Variants in CHN1 observed in about 807,000 individuals in gnomAD.
CHN1 encodes the protein N-chimaerin.
A neutral mutation model predicts 59.5 loss-of-function variants in CHN1; 37 were observed. The ratio of observed to expected loss-of-function variants is 0.62; its 90% CI spans 0.48 to 0.82. CHN1 has a LOEUF of 0.82. Ranked by LOEUF, CHN1 falls within the 40% of genes least tolerant of loss-of-function variation. The pLI is 0.00. For synonymous variants in CHN1, 206 were observed against 200.4 expected, an observed-to-expected ratio of 1.03 and a Z score of -0.24; for missense variants, 469 against 571.0, an observed-to-expected ratio of 0.82 and a Z score of 1.82.
chr2:174,939,456 G>T (rs1689593527), intron 3 of CHN1, among the ~76,000 whole-genome samples: 1 of 151,974 alleles, frequency 6.6e-6, no homozygotes, highest in African/African-American at 2.4e-5. Context: ...CAATCTACTG[G>T]CATTTTGCTG....
intron 1 of CHN1, among the ~76,000 whole-genome samples, chr2:174,989,174 G>A (rs535323814): frequency 1.2e-3 from 180 of 151,658 alleles, no homozygotes; most frequent in African/African-American, 4.2e-3. Context: ...TCAGGAGTTC[G>A]AGACCAGCCT....
At chr2:174,918,425 C>T in intron 4 of CHN1, 109 bp downstream of exon 4, 2 of 752,476 alleles carry the variant, frequency 2.7e-6, no homozygotes, top group Non-Finnish European at 2.0e-6. Context: ...ATAAATGCAA[C>T]TCCACCAAAC....
intron 5 of CHN1, 86 bp from the exon 6 acceptor site, chr2:174,878,214 T>C: frequency 1.6e-6 from 2 of 1,219,920 alleles, no homozygotes; most frequent in Non-Finnish European, 2.2e-6. Flanking sequence ...AAAAAAAAAC[T>C]ATCGCTTTGT....
At chr2:174,980,654 C>G (rs952307057) in intron 1 of CHN1, among the ~76,000 whole-genome samples, 15 of 152,172 alleles carry the variant, frequency 9.9e-5, no homozygotes, top group African/African-American at 3.4e-4. Flanking sequence ...TGAAGATGCT[C>G]TGTTTTTCCT....
At chr2:174,820,497 T>C (rs1311710442) in intron 8 of CHN1, among the ~76,000 whole-genome samples, 1 of 152,216 alleles carries the variant, frequency 6.6e-6, no homozygotes, top group African/African-American at 2.4e-5. Flanking sequence ...AGGAGCACCA[T>C]TCCCAATCTG....
At chr2:174,900,982 A>C (rs995262993) in intron 5 of CHN1, among the ~76,000 whole-genome samples, 1 of 152,220 alleles carries the variant, frequency 6.6e-6, no homozygotes, top group African/African-American at 2.4e-5. Context: ...TTGCATGGTA[A>C]ATATAATAAA....
At chr2:174,811,489 T>G in intron 10 of CHN1, 22 bp downstream of exon 10, 1 of 1,560,034 alleles carries the variant, frequency 6.4e-7, no homozygotes. Context: ...TCCTAAGTTA[T>G]GGAACATTGT....
At chr2:174,907,792 G>A (rs577009550) in intron 5 of CHN1, among the ~76,000 whole-genome samples, 1 of 151,856 alleles carries the variant, frequency 6.6e-6, no homozygotes, top group African/African-American at 2.4e-5. Flanking sequence ...CCATAGGTAC[G>A]AAATTTTATA....
intron 3 of CHN1, among the ~76,000 whole-genome samples, chr2:174,927,179 T>TC (rs1203056708): frequency 6.6e-6 from 1 of 152,166 alleles, no homozygotes; most frequent in Non-Finnish European, 1.5e-5. Flanking sequence ...CGAGCACGCA[T>TC]CCTTAACTCT....
intron 1 of CHN1, among the ~76,000 whole-genome samples, chr2:174,955,856 G>A (rs192884219): frequency 2.6e-4 from 40 of 152,204 alleles, no homozygotes; most frequent in Non-Finnish European, 5.6e-4. Context: ...AGCACACAAG[G>A]ATATAAATAT....
At position 175,005,175 on chromosome 2, in the gene CHN1, A is replaced by T; in HGVS notation, c.-263T>A. 7.9e-7 allele frequency: 1 copy of T among 1,263,992 alleles called. No homozygotes were observed. 78.3% of individuals were successfully genotyped at this position (1,263,992 alleles called of 1,614,324 possible). ...CGAGCCGGCACTTGTCGCTGCCATC[A>T]GGCGCGGAGCGTGCGCGCGGGAGGA... On this transcript the variant is annotated 5_prime_UTR_variant, in exon 1 of 13. Coordinates refer to ENST00000409900, the MANE Select transcript of CHN1 (RefSeq NM_001822.7).
intron 1 of CHN1, among the ~76,000 whole-genome samples, chr2:174,952,458 C>T (rs780803620): frequency 6.6e-6 from 1 of 152,106 alleles, no homozygotes; most frequent in Non-Finnish European, 1.5e-5. Flanking sequence ...TTAACTTTTA[C>T]TGCTGGTACT....
At chr2:174,837,813 C>T (rs891010369) in intron 7 of CHN1, among the ~76,000 whole-genome samples, 3 of 152,126 alleles carry the variant, frequency 2.0e-5, no homozygotes, top group African/African-American at 7.2e-5. Flanking sequence ...TTGCTTGTCA[C>T]GTTTTCATTT....
chr2:174,878,761 G>A (rs1482242278), intron 5 of CHN1, among the ~76,000 whole-genome samples: 1 of 152,246 alleles, frequency 6.6e-6, no homozygotes, highest in Non-Finnish European at 1.5e-5. Context: ...GGTTAGGTCT[G>A]TGCAAGAAAT....
rs1238959969 is a variant in CHN1, at chr2:175,005,085, A to C, written c.-173T>G. ...AGGCCGGGACGCGGGGGACCGCTGC[A>C]AGAAAAAGTTATTCACGCGTTATTG... On this transcript the variant is annotated 5_prime_UTR_variant, in exon 1 of 13. Coordinates refer to ENST00000409900, the MANE Select transcript of CHN1 (RefSeq NM_001822.7). 7.5e-7 allele frequency: 1 copy of C among 1,336,168 alleles called. No individual in the cohort carries two copies. Among genetic ancestry groups the C allele is most frequent in the East Asian group, 3.2e-5 (1 of 31,368 alleles). The allele number at this position is 1,336,168 out of a possible 1,614,324, so 82.8% of individuals were successfully genotyped here.
intron 7 of CHN1, among the ~76,000 whole-genome samples, chr2:174,843,261 C>T (rs895274465): frequency 3.3e-5 from 5 of 150,660 alleles, no homozygotes; most frequent in African/African-American, 1.2e-4. Flanking sequence ...ATTTTTGAGA[C>T]GGAGTTTTGC....
At chr2:174,908,460 G>T (rs981894545) in intron 5 of CHN1, among the ~76,000 whole-genome samples, 2 of 151,942 alleles carry the variant, frequency 1.3e-5, no homozygotes, top group African/African-American at 4.8e-5. Context: ...TACAGATAAA[G>T]CCCAAATTCT....
intron 11 of CHN1, 108 bp downstream of exon 11, chr2:174,808,797 C>G: frequency 8.3e-7 from 1 of 1,203,618 alleles, no homozygotes; most frequent in Admixed American, 1.8e-5. Context: ...TAGAGAGAGG[C>G]AAAGGGGAAA....
Position 174,880,939 on chromosome 2 carries a change from C to T in CHN1, c.261-2811G>A, listed in dbSNP as rs576285529. On this transcript the variant is annotated intron_variant, in intron 5 of 12. Coordinates refer to ENST00000409900, the MANE Select transcript of CHN1 (RefSeq NM_001822.7). ...CGCATGCCTGTAATCCTAGCTACTC[C>T]GGAGGCTGAGGCAGGAGAATTGCTT... Among the ~76,000 whole-genome samples, 713 of 151,020 alleles carry T rather than the reference C, an allele frequency of 4.7e-3. 21 individuals are homozygous for T. The highest frequency in any genetic ancestry group is 0.01 in the Middle Eastern group (3 of 290).
Sources: allele counts gnomAD v4.1 joint callset (sites outside exome capture counted in the v4.1 genomes callset), GRCh38; gene constraint gnomAD v4.1.1; transcripts MANE v1.5; gene names NCBI Gene and HGNC (gene_info 2026-07-23, HGNC 2026-07-21).